Variants in FGF12 observed in about 807,000 individuals in gnomAD.
FGF12 encodes fibroblast growth factor 12B.
A neutral mutation model predicts 23.6 loss-of-function variants in FGF12; 14 were observed. The ratio of observed to expected loss-of-function variants is 0.59; its 90% CI spans 0.39 to 0.93. The LOEUF (loss-of-function observed/expected upper bound fraction) is 0.93. Among genes scored for constraint, FGF12 ranks in the 40% least tolerant of loss-of-function variants. The pLI is 0.00. For synonymous variants in FGF12, 62 were observed against 77.3 expected (o/e 0.80, Z 1.04); for missense variants, 175 against 217.8 (o/e 0.80, Z 1.24).
chr3:192,321,505 A>C (rs1480407075), intron 4 of FGF12, among the ~76,000 whole-genome samples: 1 of 151,708 alleles, frequency 6.6e-6, no homozygotes, highest in East Asian at 1.9e-4. Flanking sequence ...CAAAAAAAAA[A>C]AAAAAACCAC....
At chr3:192,622,250 T>C (rs1715002093) in intron 2 of FGF12, among the ~76,000 whole-genome samples, 1 of 152,048 alleles carries the variant, frequency 6.6e-6, no homozygotes, top group East Asian at 1.9e-4. Flanking sequence ...GAAAGAGACA[T>C]GCGGGAACAG....
intron 4 of FGF12, among the ~76,000 whole-genome samples, chr3:192,235,753 T>C (rs1719261732): frequency 6.6e-6 from 1 of 152,196 alleles, no homozygotes; most frequent in Non-Finnish European, 1.5e-5. Flanking sequence ...TATTCTTTCA[T>C]TTTTATTAAT....
intron 2 of FGF12, among the ~76,000 whole-genome samples, chr3:192,691,437 C>G (rs546695688): frequency 2.0e-5 from 3 of 151,736 alleles, no homozygotes; most frequent in African/African-American, 7.3e-5. Flanking sequence ...TCTAAACAAC[C>G]GATGAGTCAA....
intron 4 of FGF12, among the ~76,000 whole-genome samples, chr3:192,191,003 G>A (rs1716763179): frequency 6.6e-6 from 1 of 152,146 alleles, no homozygotes; most frequent in African/African-American, 2.4e-5. Context: ...TCCTAAGAGT[G>A]AGCCTAAAAG....
At chr3:192,365,090 C>T (rs1189489456) in intron 2 of FGF12, among the ~76,000 whole-genome samples, 2 of 152,078 alleles carry the variant, frequency 1.3e-5, no homozygotes, top group Non-Finnish European at 2.9e-5. Context: ...TTGACCAGTA[C>T]TCCTCAAAAT....
chr3:192,249,208 G>A (rs1711838567), intron 4 of FGF12, among the ~76,000 whole-genome samples: 1 of 152,052 alleles, frequency 6.6e-6, no homozygotes, highest in South Asian at 2.1e-4. Flanking sequence ...CTTTCACAAA[G>A]CAGATGTTCA....
chr3:192,460,405 A>G (rs1043597773), intron 2 of FGF12, among the ~76,000 whole-genome samples: 3 of 152,148 alleles, frequency 2.0e-5, no homozygotes, highest in African/African-American at 7.2e-5. Context: ...CTCAGAGCGG[A>G]GCTAGAGGAA....
rs551779724 is a variant in FGF12, at chr3:192,590,087, T to A, written c.13+137094A>T. ...AAGTGGTAGAATGGGGATCCCAACC[T>A]TGGTTCTTCTCTCTCAAAGTCCTTT... is the stretch of plus-strand genomic sequence containing the variant. On this transcript the variant is annotated intron_variant, in intron 2 of 5. Transcript: ENST00000445105. Among the ~76,000 whole-genome samples, 24 of 151,908 alleles carry A rather than the reference T, an allele frequency of 1.6e-4. 1 individual carries two copies. In the South Asian group the frequency reaches 4.7e-3, roughly 29 times the overall value.
chr3:192,347,493 T>C (rs551355369), intron 3 of FGF12, among the ~76,000 whole-genome samples: 3 of 152,302 alleles, frequency 2.0e-5, no homozygotes, highest in East Asian at 1.9e-4. Context: ...AGAACCTGGA[T>C]CTATGAGGAG....
At chr3:192,165,761 C>T (rs1405019950) in intron 5 of FGF12, among the ~76,000 whole-genome samples, 1 of 152,138 alleles carries the variant, frequency 6.6e-6, no homozygotes, top group African/African-American at 2.4e-5. Context: ...CTATCACTGA[C>T]TTTTCTGAGT....
At chr3:192,446,143 C>A (rs536362651) in intron 2 of FGF12, among the ~76,000 whole-genome samples, 7 of 152,290 alleles carry the variant, frequency 4.6e-5, no homozygotes, top group African/African-American at 1.7e-4. Context: ...GCAAGTTTAT[C>A]TACAGAAAAG....
At chr3:192,680,458 G>A (rs1717484115) in intron 2 of FGF12, among the ~76,000 whole-genome samples, 1 of 152,158 alleles carries the variant, frequency 6.6e-6, no homozygotes. Context: ...TGGTAGTGGG[G>A]GGAGGTTATG....
intron 2 of FGF12, among the ~76,000 whole-genome samples, chr3:192,441,695 T>A (rs906190827): frequency 6.6e-6 from 1 of 152,218 alleles, no homozygotes; most frequent in Non-Finnish European, 1.5e-5. Flanking sequence ...GTCCAAGAGA[T>A]AGCAAGAGAA....
intron 4 of FGF12, among the ~76,000 whole-genome samples, chr3:192,205,324 G>T (rs1050087532): frequency 5.3e-5 from 8 of 152,116 alleles, no homozygotes; most frequent in African/African-American, 1.9e-4. Context: ...AGAGATTAAA[G>T]AAATACCGCC....
At chr3:192,695,166 A>G (rs745494004) in intron 2 of FGF12, among the ~76,000 whole-genome samples, 7 of 152,120 alleles carry the variant, frequency 4.6e-5, no homozygotes, top group Non-Finnish European at 8.8e-5. Context: ...ACAAAAGCAT[A>G]TTTATCTCTG....
In FGF12 at chr3:192,533,082, C is replaced by T. The variant is rs913493180; in HGVS notation, c.14-172544G>A. Among the ~76,000 whole-genome samples the T allele has an allele frequency of 2.6e-5, 4 of 152,096 alleles. No individual in the cohort carries two copies. The South Asian group carries it at 6.2e-4, about 24-fold the overall frequency. On this transcript the variant is annotated intron_variant, in intron 2 of 5. Transcript: ENST00000445105. ...TGCATGGAGAAAAAATTTAAAATAG[C>T]GTGTGCTCAGGGATTCAACCAATTT...
intron 2 of FGF12, among the ~76,000 whole-genome samples, chr3:192,523,485 C>A (rs1265404886): frequency 2.6e-5 from 4 of 152,082 alleles, no homozygotes; most frequent in African/African-American, 9.7e-5. Context: ...ATGTTTGATT[C>A]CCACATGCCC....
At chr3:192,576,582 C>T (rs563402626) in intron 2 of FGF12, among the ~76,000 whole-genome samples, 94 of 152,138 alleles carry the variant, frequency 6.2e-4, no homozygotes, top group African/African-American at 2.2e-3. Flanking sequence ...TCTCCTTATA[C>T]TAAGAGAATG....
At chr3:192,324,232 C>G (rs942484198) in intron 4 of FGF12, among the ~76,000 whole-genome samples, 2 of 151,654 alleles carry the variant, frequency 1.3e-5, no homozygotes, top group African/African-American at 2.4e-5. Context: ...AAGTCTTGAG[C>G]CTGAAGCTAA....
Sources: allele counts gnomAD v4.1 joint callset (sites outside exome capture counted in the v4.1 genomes callset), GRCh38; gene constraint gnomAD v4.1.1; transcripts MANE v1.5; gene names NCBI Gene and HGNC (gene_info 2026-07-23, HGNC 2026-07-21).